The following NETO2 variants were observed in gnomAD, a reference collection of about 807,000 sequenced individuals.
NETO2 encodes neuropilin and tolloid like 2.
In NETO2, 28 loss-of-function variants were observed where a neutral mutation model predicts 62.5. The observed-to-expected ratio is 0.45, with a 90% CI of 0.33 to 0.61. The LOEUF is 0.61. NETO2 is among the 20% of genes least tolerant of loss of function. NETO2 has a pLI of 0.02. For synonymous variants in NETO2, 214 were observed against 219.1 expected (o/e 0.98, Z 0.21); for missense variants, 548 against 643.2 (o/e 0.85, Z 1.60).
chr16:47,106,327 A>T (rs542124962), intron 7 of NETO2, among the ~76,000 whole-genome samples: 67 of 152,318 alleles, frequency 4.4e-4, no homozygotes, highest in Non-Finnish European at 9.3e-4. Flanking sequence ...GAACTGTTTC[A>T]TGGGTATAGA....
At chr16:47,130,994 C>T (rs372123288) in intron 2 of NETO2, among the ~76,000 whole-genome samples, 1 of 148,414 alleles carries the variant, frequency 6.7e-6, no homozygotes, top group East Asian at 2.0e-4. Context: ...CCAAGAGGGC[C>T]ATAACCAAGT....
chr16:47,097,626 G>A (rs763406448), intron 7 of NETO2, among the ~76,000 whole-genome samples: 4 of 152,164 alleles, frequency 2.6e-5, no homozygotes, highest in South Asian at 4.1e-4. Context: ...CCTGCCTGCC[G>A]GCTCTGAAGA....
At chr16:47,142,943 C>T (rs1242686561) in intron 1 of NETO2, among the ~76,000 whole-genome samples, 1 of 152,046 alleles carries the variant, frequency 6.6e-6, no homozygotes, top group Non-Finnish European at 1.5e-5. Context: ...TCCCGGGAAG[C>T]ACCCGAGCAG....
intron 7 of NETO2, 26 bp from the exon 8 acceptor site, chr16:47,086,365 A>C (rs1027351726): frequency 6.7e-7 from 1 of 1,492,340 alleles, no homozygotes; most frequent in Non-Finnish European, 9.3e-7. Context: ...ACAGTGTTGC[A>C]AAGAGCAGGC....
chr16:47,091,583 G>A (rs2143821466), intron 7 of NETO2, among the ~76,000 whole-genome samples: 1 of 152,296 alleles, frequency 6.6e-6, no homozygotes, highest in Non-Finnish European at 1.5e-5. Context: ...AGGCCTGAGG[G>A]TGCTACCTTT....
At chr16:47,086,009 GGC>G (rs1963181100) in intron 8 of NETO2, among the ~76,000 whole-genome samples, 1 of 152,098 alleles carries the variant, frequency 6.6e-6, no homozygotes, top group Admixed American at 6.5e-5. Context: ...GGGAAGCTAA[GGC>G]AGGAGAATGG....
At chr16:47,098,186 T>C (rs1304148626) in intron 7 of NETO2, among the ~76,000 whole-genome samples, 1 of 152,096 alleles carries the variant, frequency 6.6e-6, no homozygotes, top group Non-Finnish European at 1.5e-5. Flanking sequence ...TTTGATGAAT[T>C]GACAGAAGTA....
intron 7 of NETO2, among the ~76,000 whole-genome samples, chr16:47,099,850 A>T (rs1963505371): frequency 6.6e-6 from 1 of 152,204 alleles, no homozygotes; most frequent in Non-Finnish European, 1.5e-5. Flanking sequence ...AGACTCCCAC[A>T]CAATAATAGT....
At position 47,129,293 on chromosome 16, in the gene NETO2, C is replaced by G. The variant is rs780676177; in HGVS notation, c.163G>C (p.Gly55Arg). ...GGATAATTTGGCGAAGCAAAATGACCTCCATTGCTGGTTCGAACCCAAATG... is the reference window on the plus strand; with the variant it reads ...GGATAATTTGGCGAAGCAAAATGACGTCCATTGCTGGTTCGAACCCAAATG... ...CGIWVRTSNG[G>R]HFASPNYPDS... is the part of the protein sequence containing the mutation. The change falls in exon 3 of 9, where the codon GGT (glycine) becomes CGT (arginine). Residue 55 changes from glycine (G) to arginine (R), a missense_variant. Gly to Arg is a moderately radical substitution (Grantham distance 125). Transcript: ENST00000562435. 1 of 1,613,986 alleles carries G rather than the reference C, an allele frequency of 6.2e-7. No individual in the cohort carries two copies. The highest frequency in any genetic ancestry group is 1.7e-5 in the Admixed American group (1 of 60,024).
At chr16:47,142,730 T>C (rs1032065566) in intron 1 of NETO2, among the ~76,000 whole-genome samples, 1 of 152,254 alleles carries the variant, frequency 6.6e-6, no homozygotes, top group African/African-American at 2.4e-5. Context: ...AGCAACTTTG[T>C]ATCCCAATCC....
intron 7 of NETO2, among the ~76,000 whole-genome samples, chr16:47,109,132 A>G (rs1186131194): frequency 1.8e-4 from 28 of 152,136 alleles, no homozygotes; most frequent in Non-Finnish European, 1.5e-5. Flanking sequence ...AACAGGGACC[A>G]AGATATAGTT....
Position 47,113,162 on chromosome 16 carries a change from C to A in NETO2, c.655-3451G>T, listed in dbSNP as rs548215017. On this transcript the variant is annotated intron_variant, in intron 6 of 8. Transcript: ENST00000562435. ...CATTTTCAGCTTTACCAGAGCACATCCGAAATAGCTCTCCAAAGTGGTTGT... is the reference window on the plus strand; with the variant it reads ...CATTTTCAGCTTTACCAGAGCACATACGAAATAGCTCTCCAAAGTGGTTGT... Among the ~76,000 whole-genome samples, 7 of 152,314 alleles carry A rather than the reference C, an allele frequency of 4.6e-5. No individual in the cohort carries two copies. The South Asian group carries it at 8.3e-4, about 18-fold the overall frequency.
chr16:47,083,706 A>C lies in NETO2; in HGVS notation c.1093T>G (p.Ser365Ala). 1.2e-6 allele frequency: 2 copies of C among 1,614,202 alleles called. No homozygotes were observed. The highest frequency in any genetic ancestry group is 2.2e-5 in the East Asian group (1 of 44,886). The change falls in exon 9 of 9, where the codon TCT (serine) becomes GCT (alanine). Residue 365 changes from serine to alanine, a missense_variant. Ser to Ala is a moderately conservative substitution (Grantham distance 99). Transcript: ENST00000562435. ...GGCTGTTTCACTTGTACTAAAATAG[A>C]AATAATGAGAAGGACCAAGACAATC... ...SGIVLVLLII[S>A]ILVQVKQPRK...
At chr16:47,123,712 T>G (rs1964091196) in intron 4 of NETO2, among the ~76,000 whole-genome samples, 1 of 152,202 alleles carries the variant, frequency 6.6e-6, no homozygotes, top group Non-Finnish European at 1.5e-5. Context: ...TTTTGTTTAT[T>G]TTTGAGATGG....
At chr16:47,129,181 A>G (rs556111859) in intron 3 of NETO2, 43 bp downstream of exon 3, 9 of 1,583,162 alleles carry the variant, frequency 5.7e-6, no homozygotes, top group East Asian at 2.2e-5. Context: ...TTAGTTTTAC[A>G]ATAAAGTAAA....
intron 1 of NETO2, among the ~76,000 whole-genome samples, chr16:47,132,546 C>G (rs1964286970): frequency 6.6e-6 from 1 of 152,194 alleles, no homozygotes; most frequent in Non-Finnish European, 1.5e-5. Context: ...CTATGCTGTG[C>G]TCTGTGCTAC....
chr16:47,143,037 G>C (rs189924023), intron 1 of NETO2, among the ~76,000 whole-genome samples: 40 of 151,958 alleles, frequency 2.6e-4, no homozygotes, highest in African/African-American at 8.2e-4. Context: ...CGCAGCCTCC[G>C]TGGCCGCAGC....
Position 47,139,245 on chromosome 16 carries a change from T to C in NETO2, c.34+4334A>G, listed in dbSNP as rs1025944303. On this transcript the variant is annotated intron_variant, in intron 1 of 8. Transcript: ENST00000562435. ...CATCTTCTTTGTAACCGCAAACACA[T>C]AGCACAGTAACTGACAGGCACACAT... 4.6e-5 allele frequency among the ~76,000 whole-genome samples: 7 copies of C among 152,068 alleles called. 1 individual carries two copies. The highest frequency in any genetic ancestry group is 3.9e-4 in the East Asian group (2 of 5,190).
At position 47,109,731 on chromosome 16, in the gene NETO2, A is replaced by C; in HGVS notation, c.655-20T>G. 6.6e-7 allele frequency: 1 copy of C among 1,507,936 alleles called. No individual in the cohort carries two copies. Among genetic ancestry groups the C allele is most frequent in the South Asian group, 1.1e-5 (1 of 87,832 alleles). The allele number at this position is 1,507,936 out of a possible 1,614,324, so 93.4% of individuals were successfully genotyped here. A position where few individuals can be genotyped will look rare whatever the true frequency, so the allele number is the denominator to read the frequency against. On this transcript the variant is annotated intron_variant, in intron 6 of 8. Transcript: ENST00000562435. ...ATAAATCTGTAATATTAACACAAAA[A>C]CACTGCTTTTAAAAAGATATATTAA...
Sources: allele counts gnomAD v4.1 joint callset (sites outside exome capture counted in the v4.1 genomes callset), GRCh38; gene constraint gnomAD v4.1.1; transcripts MANE v1.5; gene names NCBI Gene and HGNC (gene_info 2026-07-23, HGNC 2026-07-21).